MBTPS1: variants seen among roughly 807,000 people sequenced by gnomAD.
The protein encoded by MBTPS1 is membrane-bound transcription factor site-1 protease.
Under a neutral mutation model 127.8 loss-of-function variants are expected in MBTPS1, and 94 were observed. That is an observed-to-expected ratio of 0.74 (90% CI 0.62 to 0.87). The LOEUF (loss-of-function observed/expected upper bound fraction) is 0.87, where lower values mean the gene tolerates loss of function less well. MBTPS1 is among the 40% of genes least tolerant of loss of function. The pLI is 0.00. For missense variants in MBTPS1, 1,636 were observed against 1,353.2 expected, an observed-to-expected ratio of 1.21 and a Z score of -3.28; for synonymous variants, 632 against 509.4, an observed-to-expected ratio of 1.24 and a Z score of -3.24.
chr16:84,108,937 G>C (rs895957323), intron 1 of MBTPS1, among the ~76,000 whole-genome samples: 2 of 152,192 alleles, frequency 1.3e-5, no homozygotes, highest in Admixed American at 6.5e-5. Flanking sequence ...GATAAATGCT[G>C]GTCTGAATTT....
At chr16:84,089,123 C>A (rs1433992435) in intron 8 of MBTPS1, among the ~76,000 whole-genome samples, 1 of 152,204 alleles carries the variant, frequency 6.6e-6, no homozygotes, top group Non-Finnish European at 1.5e-5. Flanking sequence ...GGAGGATGGG[C>A]AGAGGGATGG....
intron 18 of MBTPS1, 40 bp downstream of exon 18, chr16:84,065,650 A>G (rs757731501): frequency 7.6e-6 from 10 of 1,320,690 alleles, no homozygotes; most frequent in Non-Finnish European, 9.9e-6. Context: ...AGGGAGCGAG[A>G]GAAAGAAGAA....
chr16:84,078,132 C>A (rs2085888363), intron 11 of MBTPS1, among the ~76,000 whole-genome samples: 1 of 152,198 alleles, frequency 6.6e-6, no homozygotes, highest in Non-Finnish European at 1.5e-5. Flanking sequence ...AAGGCACAAC[C>A]CTTTCACAGA....
chr16:84,074,854 T>G lies in MBTPS1; in HGVS notation c.1449-113A>C, dbSNP rs540932941. ...AGACCTAGCTTCAGAAGGGCTTGCT[T>G]ACAGCGCTGCCCTAGGCTGGCATCT... is the stretch of plus-strand genomic sequence containing the variant. On this transcript the variant is annotated intron_variant, in intron 11 of 22. Transcript: ENST00000343411. 70 of 964,360 alleles carry G rather than the reference T, an allele frequency of 7.3e-5. No homozygotes were observed. The East Asian group carries it at 1.1e-3, about 15-fold the overall frequency. The allele number at this position is 964,360 out of a possible 1,614,324, so 59.7% of individuals were successfully genotyped here. A position where few individuals can be genotyped will look rare whatever the true frequency, so the allele number is the denominator to read the frequency against.
chr16:84,067,952 G>T (rs2085711921), intron 15 of MBTPS1, 129 bp from the exon 16 acceptor site: 1 of 802,774 alleles, frequency 1.2e-6, no homozygotes. Flanking sequence ...GTGCCACCCT[G>T]TACCACTTTA....
At chr16:84,080,509 G>A (rs1392531838) in intron 11 of MBTPS1, among the ~76,000 whole-genome samples, 1 of 152,266 alleles carries the variant, frequency 6.6e-6, no homozygotes, top group African/African-American at 2.4e-5. Flanking sequence ...CACAGGGCCA[G>A]CAGCTCAGGT....
Position 84,108,287 on chromosome 16 carries a change from T to C in MBTPS1, c.-324-6180A>G, listed in dbSNP as rs62048231. On this transcript the variant is annotated intron_variant, in intron 1 of 22. Transcript: ENST00000343411. ...AAAGCACTGTTTTCTTCTTTTTAGA[T>C]GGAGTCTCACTTTGCTGCCCAGGCT... 3.9e-3 allele frequency among the ~76,000 whole-genome samples: 597 copies of C among 151,744 alleles called. 2 individuals are homozygous for C. The highest frequency in any genetic ancestry group is 0.01 in the Middle Eastern group (3 of 290).
In MBTPS1 at chr16:84,053,866, C is replaced by T. The variant is rs1472391072; in HGVS notation, c.*583G>A. 2 of 152,046 alleles carry T rather than the reference C, an allele frequency of 1.3e-5. No individual in the cohort carries two copies. The highest frequency in any genetic ancestry group is 1.5e-5 in the Non-Finnish European group (1 of 68,018). 9.4% of individuals were successfully genotyped at this position (152,046 alleles called of 1,614,324 possible). A position where few individuals can be genotyped will look rare whatever the true frequency, so the allele number is the denominator to read the frequency against. ...AAAACATGGTGGCAGGTGATACTTACAAAAATAAAGCGAAGGTCTATGTTT... is the reference window on the plus strand; with the variant it reads ...AAAACATGGTGGCAGGTGATACTTATAAAAATAAAGCGAAGGTCTATGTTT... On this transcript the variant is annotated 3_prime_UTR_variant, in exon 23 of 23. Transcript: ENST00000343411.
chr16:84,103,256 A>ATT (rs1345813573), intron 1 of MBTPS1, among the ~76,000 whole-genome samples: 4 of 137,532 alleles, frequency 2.9e-5, no homozygotes, highest in South Asian at 4.6e-4. Context: ...TATTATTATT[A>ATT]TTTTTTTTTT....
At chr16:84,070,521 C>A in intron 13 of MBTPS1, 67 bp downstream of exon 13, 1 of 1,528,342 alleles carries the variant, frequency 6.5e-7, no homozygotes, top group South Asian at 1.1e-5. Flanking sequence ...AGGCATTTGG[C>A]CTGTCCCTCC....
intron 14 of MBTPS1, 90 bp from the exon 15 acceptor site, chr16:84,068,544 C>A: frequency 3.4e-6 from 3 of 870,968 alleles, no homozygotes; most frequent in Admixed American, 2.0e-5. Flanking sequence ...TGCAAGAGCA[C>A]CATGCCATGG....
intron 4 of MBTPS1, among the ~76,000 whole-genome samples, chr16:84,094,859 G>A (rs1437987130): frequency 1.3e-5 from 2 of 152,146 alleles, no homozygotes; most frequent in African/African-American, 4.8e-5. Flanking sequence ...AGGGCAGGGC[G>A]CCAAGGAGAT....
chr16:84,102,403 ATAT>A (rs1567503032), intron 1 of MBTPS1, among the ~76,000 whole-genome samples: 1 of 152,234 alleles, frequency 6.6e-6, no homozygotes, highest in African/African-American at 2.4e-5. Flanking sequence ...ACCATGAAAC[ATAT>A]TATTTCATTT....
rs146699513 is a variant in MBTPS1, at chr16:84,067,756, G to A, written c.2139C>T (p.Asp713=). Residue 713 remains aspartate, a synonymous_variant, in exon 16 of 23, where the codon GAC becomes GAT. Coordinates refer to ENST00000343411, the MANE Select transcript of MBTPS1 (RefSeq NM_003791.4). ...FPEEIAKLRR[D]VDNGLSLVIF... ...TGACGAGCGAGAGGCCGTTGTCCAC[G>A]TCCCTCCGGAGCTTGGCGATCTCTT... 85 of 1,614,036 alleles carry A rather than the reference G, an allele frequency of 5.3e-5. No individual in the cohort carries two copies. In the East Asian group the frequency reaches 1.2e-3, roughly 22 times the overall value.
chr16:84,103,020 G>A (rs974666494), intron 1 of MBTPS1, among the ~76,000 whole-genome samples: 1 of 152,098 alleles, frequency 6.6e-6, no homozygotes, highest in African/African-American at 2.4e-5. Flanking sequence ...AATGTCACCT[G>A]AATATTAAAT....
rs1391822112 is a variant in MBTPS1 at position 84,101,668 on chromosome 16, G to T, written c.116C>A (p.Ser39Tyr). 6.2e-7 allele frequency: 1 copy of T among 1,613,962 alleles called. No individual in the cohort carries two copies. The highest frequency in any genetic ancestry group is 8.5e-7 in the Non-Finnish European group (1 of 1,179,942). The change falls in exon 2 of 23, where the codon TCC becomes TAC. Residue 39 changes from serine (S) to tyrosine (Y), a missense_variant. By Grantham distance (144) the Ser-to-Tyr change is moderately radical. Coordinates refer to ENST00000343411, the MANE Select transcript of MBTPS1 (RefSeq NM_003791.4). Reference protein sequence around the residue: ...SFEKAPCPGCSHLTLKVEFSS... With the variant: ...SFEKAPCPGCYHLTLKVEFSS... ...GAATTCCACCTTCAAAGTCAGGTGG[G>T]AACAGCCAGGGCATGGGGCCTTTTC... is the stretch of plus-strand genomic sequence containing the variant.
chr16:84,078,800 G>T lies in MBTPS1; in HGVS notation c.1448+2947C>A, dbSNP rs181293476. Among the ~76,000 whole-genome samples, 394 of 152,344 alleles carry T rather than the reference G, an allele frequency of 2.6e-3. 2 individuals are homozygous for T. The highest frequency in any genetic ancestry group is 9.0e-3 in the African/African-American group (374 of 41,576). On this transcript the variant is annotated intron_variant, in intron 11 of 22. Coordinates refer to ENST00000343411, the MANE Select transcript of MBTPS1 (RefSeq NM_003791.4). ...AATCCAAAACAATATCCACAGCGATGCTATCCTTCTATGTATGTGCTCATT... is the reference window on the plus strand; with the variant it reads ...AATCCAAAACAATATCCACAGCGATTCTATCCTTCTATGTATGTGCTCATT...
intron 12 of MBTPS1, among the ~76,000 whole-genome samples, chr16:84,071,264 G>T (rs1207607028): frequency 6.6e-6 from 1 of 152,208 alleles, no homozygotes; most frequent in Non-Finnish European, 1.5e-5. Flanking sequence ...GCTGCGAGAT[G>T]ACCACCCTTC....
In MBTPS1 at chr16:84,063,522, C is replaced by T. The variant is rs1014920849; in HGVS notation, c.2432-77G>A. On this transcript the variant is annotated intron_variant, in intron 18 of 22. Coordinates refer to ENST00000343411, the MANE Select transcript of MBTPS1 (RefSeq NM_003791.4). ...GAGTTATTTCCTGATATTTCATCCA[C>T]GTGACAAATAAACCACATTTACAAA... is the stretch of plus-strand genomic sequence containing the variant. 1.8e-5 allele frequency: 24 copies of T among 1,364,528 alleles called. No homozygotes were observed. In the East Asian group the frequency reaches 1.9e-4, roughly 11 times the overall value. 84.5% of individuals were successfully genotyped at this position (1,364,528 alleles called of 1,614,324 possible). A position where few individuals can be genotyped will look rare whatever the true frequency, so the allele number is the denominator to read the frequency against.
Sources: allele counts gnomAD v4.1 joint callset (sites outside exome capture counted in the v4.1 genomes callset), GRCh38; gene constraint gnomAD v4.1.1; transcripts MANE v1.5; gene names NCBI Gene and HGNC (gene_info 2026-07-23, HGNC 2026-07-21).